QSOX1: variants seen among roughly 807,000 people sequenced by gnomAD.
QSOX1 encodes the protein quiescin sulfhydryl oxidase 1.
In QSOX1, 40 loss-of-function variants were observed where a neutral mutation model predicts 76.1. The ratio of observed to expected loss-of-function variants is 0.53; its 90% CI spans 0.41 to 0.68. The LOEUF (loss-of-function observed/expected upper bound fraction) is 0.68, where lower values mean the gene tolerates loss of function less well. Ranked by LOEUF, QSOX1 falls within the 30% of genes least tolerant of loss-of-function variation. The probability of loss-of-function intolerance (pLI) is 0.00; values close to 1 mark genes in which losing one functional copy is unlikely to be tolerated. For synonymous variants in QSOX1, 392 were observed against 413.1 expected, an observed-to-expected ratio of 0.95 and a Z score of 0.62; for missense variants, 931 against 974.3, an observed-to-expected ratio of 0.96 and a Z score of 0.59.
chr1:180,191,443 G>C (rs561165364), intron 10 of QSOX1, among the ~76,000 whole-genome samples: 1 of 152,364 alleles, frequency 6.6e-6, no homozygotes, highest in East Asian at 1.9e-4. Context: ...TCCCAGCAGA[G>C]GGAGCAGCCT....
At chr1:180,163,997 G>C (rs1274624112) in intron 1 of QSOX1, among the ~76,000 whole-genome samples, 1 of 152,178 alleles carries the variant, frequency 6.6e-6, no homozygotes, top group African/African-American at 2.4e-5. Flanking sequence ...ACCAGATCAC[G>C]GGTTCATGCC....
intron 10 of QSOX1, among the ~76,000 whole-genome samples, chr1:180,193,733 A>T (rs555241242): frequency 6.6e-6 from 1 of 151,906 alleles, no homozygotes; most frequent in African/African-American, 2.4e-5. Flanking sequence ...GAGAGCGAGG[A>T]GAGATGGAGA....
intron 6 of QSOX1, among the ~76,000 whole-genome samples, chr1:180,183,407 T>C (rs1301883316): frequency 6.6e-6 from 1 of 152,256 alleles, no homozygotes; most frequent in African/African-American, 2.4e-5. Flanking sequence ...TAGAGAATTC[T>C]GGAGGCTCTT....
Position 180,155,089 on chromosome 1 carries a change from G to A in QSOX1, c.182G>A (p.Trp61Ter). 6.6e-7 allele frequency: 1 copy of A among 1,522,852 alleles called. No homozygotes were observed. The highest frequency in any genetic ancestry group is 8.8e-7 in the Non-Finnish European group (1 of 1,140,860). The allele number at this position is 1,522,852 out of a possible 1,614,324, so 94.3% of individuals were successfully genotyped here. ...GCGGTGCTGGGCTCCCGCAGCGCCT[G>A]GGCCGTGGAGTTCTTCGCCTCCTGG... ...RGAVLGSRSAWAVEFFASWCG... is the reference protein window; with the variant it reads ...RGAVLGSRSA Residue 61 changes from tryptophan (W) to a stop codon, truncating the protein, a stop_gained, in exon 1 of 12, where the codon TGG becomes TAG. Coordinates refer to ENST00000367602, the MANE Select transcript of QSOX1 (RefSeq NM_002826.5). LOFTEE classifies it high-confidence loss of function.
At chr1:180,156,215 G>C (rs1662373868) in intron 1 of QSOX1, among the ~76,000 whole-genome samples, 1 of 152,188 alleles carries the variant, frequency 6.6e-6, no homozygotes, top group African/African-American at 2.4e-5. Context: ...AAAGATTCCT[G>C]TGGTGTCACA....
At chr1:180,171,213 A>G (rs1034932785) in intron 2 of QSOX1, among the ~76,000 whole-genome samples, 4 of 152,230 alleles carry the variant, frequency 2.6e-5, no homozygotes, top group East Asian at 1.9e-4. Context: ...CAGTGACCCA[A>G]AAATACGTCA....
In QSOX1 at chr1:180,197,923, A is replaced by C. The variant is rs1663542383; in HGVS notation, c.*886A>C. The C allele has an allele frequency of 3.1e-6, 1 of 324,904 alleles. No homozygotes were observed. The highest frequency in any genetic ancestry group is 6.1e-6 in the Non-Finnish European group (1 of 163,328). The allele number at this position is 324,904 out of a possible 1,614,324, so 20.1% of individuals were successfully genotyped here. On this transcript the variant is annotated 3_prime_UTR_variant, in exon 12 of 12. Coordinates refer to ENST00000367602, the MANE Select transcript of QSOX1 (RefSeq NM_002826.5). ...CTTCTCTCTCCAGGTTTCACCTTCC[A>C]GTGTGCAGAAGTTAGAAGGGTCTGG...
chr1:180,176,187 C>T (rs1662887950), intron 4 of QSOX1, among the ~76,000 whole-genome samples, 154 bp downstream of exon 4: 1 of 152,218 alleles, frequency 6.6e-6, no homozygotes, highest in Non-Finnish European at 1.5e-5. Context: ...GGAGCTACTC[C>T]AGAACCAAGT....
At chr1:180,182,393 G>A in intron 6 of QSOX1, 74 bp downstream of exon 6, 1 of 1,571,942 alleles carries the variant, frequency 6.4e-7, no homozygotes, top group Non-Finnish European at 8.7e-7. Flanking sequence ...CAGAGGGGCT[G>A]CCCGCCTTTC....
chr1:180,183,806 A>G, intron 6 of QSOX1, 110 bp from the exon 7 acceptor site: 3 of 1,267,476 alleles, frequency 2.4e-6, no homozygotes, highest in Non-Finnish European at 3.3e-6. Flanking sequence ...CACATATTTA[A>G]TAAACCTTCC....
In QSOX1 at chr1:180,178,157, A is replaced by G. The variant is rs1486474741; in HGVS notation, c.516-637A>G. 2.0e-5 allele frequency among the ~76,000 whole-genome samples: 3 copies of G among 152,218 alleles called. No homozygotes were observed. In the East Asian group the frequency reaches 5.8e-4, roughly 29 times the overall value. ...CCAGTCAGCCTGGGCCTGCCCCAGC[A>G]CATGGAGACAACTGGTCTCAAAGCA... On this transcript the variant is annotated intron_variant, in intron 4 of 11. Transcript: ENST00000367602.
chr1:180,193,234 G>A (rs961531599), intron 10 of QSOX1, among the ~76,000 whole-genome samples: 9 of 152,096 alleles, frequency 5.9e-5, no homozygotes, highest in Non-Finnish European at 1.2e-4. Flanking sequence ...AAACACTAAC[G>A]GGAGTGAAAT....
chr1:180,168,667 T>C (rs1210509569), intron 2 of QSOX1, among the ~76,000 whole-genome samples: 1 of 151,784 alleles, frequency 6.6e-6, no homozygotes, highest in East Asian at 1.9e-4. Context: ...TATTTTCTGT[T>C]CTATTTTTTT....
At chr1:180,192,231 A>T (rs1307194719) in intron 10 of QSOX1, among the ~76,000 whole-genome samples, 1 of 152,170 alleles carries the variant, frequency 6.6e-6, no homozygotes, top group Non-Finnish European at 1.5e-5. Context: ...CACTGAAAGA[A>T]GGCTGCTGTG....
At chr1:180,173,641 A>T (rs1240256741) in intron 2 of QSOX1, among the ~76,000 whole-genome samples, 1 of 152,172 alleles carries the variant, frequency 6.6e-6, no homozygotes, top group Non-Finnish European at 1.5e-5. Context: ...TTTGTTCCTC[A>T]TGTGGGAGAG....
intron 10 of QSOX1, among the ~76,000 whole-genome samples, chr1:180,192,468 G>A (rs1297413565): frequency 2.0e-5 from 3 of 152,338 alleles, no homozygotes; most frequent in Admixed American, 1.3e-4. Context: ...CTGCATGCTC[G>A]CCCAGCAGTG....
chr1:180,183,772 C>T (rs1663098898), intron 6 of QSOX1, 144 bp from the exon 7 acceptor site: 2 of 977,054 alleles, frequency 2.0e-6, no homozygotes, highest in Non-Finnish European at 3.0e-6. Flanking sequence ...TCTGGCCTCA[C>T]AGAGGACAAG....
intron 3 of QSOX1, 104 bp from the exon 4 acceptor site, chr1:180,175,827 G>A: frequency 1.2e-6 from 1 of 860,012 alleles, no homozygotes; most frequent in Non-Finnish European, 1.9e-6. Context: ...TGTCAGAGCT[G>A]GCTGTGCCCT....
At chr1:180,156,687 CTGAACGTGCCTTTCTGAGCAGT>C (rs1466094125) in intron 1 of QSOX1, among the ~76,000 whole-genome samples, 2 of 152,210 alleles carry the variant, frequency 1.3e-5, no homozygotes, top group African/African-American at 4.8e-5. Context: ...GTCCCATTAG[CTGAACGTGCCTTTCTGAGCAGT>C]GCTTCACACC....
Sources: gnomAD v4.1 joint callset for allele counts (sites outside exome capture counted in the v4.1 genomes callset) on GRCh38, gnomAD v4.1.1 for gene constraint, MANE v1.5 for transcripts, NCBI Gene and HGNC (gene_info 2026-07-23, HGNC 2026-07-21) for gene names.